DNAAF4: variants seen among roughly 807,000 people sequenced by gnomAD.
DNAAF4 encodes dynein assembly factor 4, axonemal.
A neutral mutation model predicts 51.8 loss-of-function variants in DNAAF4; 43 were observed. The observed-to-expected ratio is 0.83, with a 90% CI of 0.65 to 1.07. The LOEUF is 1.07. Among genes scored for constraint, DNAAF4 ranks in the 50% least tolerant of loss-of-function variants. The pLI is 0.00. For synonymous variants in DNAAF4, 194 were observed against 165.6 expected, an observed-to-expected ratio of 1.17 and a Z score of -1.32; for missense variants, 581 against 493.0, an observed-to-expected ratio of 1.18 and a Z score of -1.69.
intron 4 of DNAAF4, among the ~76,000 whole-genome samples, chr15:55,468,034 T>A (rs2058194794): frequency 1.3e-5 from 2 of 152,304 alleles, no homozygotes; most frequent in Admixed American, 1.3e-4. Context: ...CTATCCAATA[T>A]AGTAGCCACT....
intron 7 of DNAAF4, chr15:55,418,684 T>G: frequency 1.4e-6 from 1 of 733,774 alleles, no homozygotes; most frequent in Non-Finnish European, 2.1e-6. Context: ...ATTTTTAAAA[T>G]AAGTTAAATA....
Position 55,435,181 on chromosome 15 carries a change from C to T in DNAAF4, c.894-123G>A, listed in dbSNP as rs891463818. 5.8e-6 allele frequency: 6 copies of T among 1,029,274 alleles called. No homozygotes were observed. In the South Asian group the frequency reaches 7.1e-5, roughly 12 times the overall value. 63.8% of individuals were successfully genotyped at this position (1,029,274 alleles called of 1,614,324 possible). On this transcript the variant is annotated intron_variant, in intron 7 of 9. Transcript: ENST00000321149. ...CTTTTTGCATTCTCTTTAGGGTAAA[C>T]GTTGCCTGCACTGAATCCATCTCTT...
chr15:55,490,164 C>T (rs908537050), intron 4 of DNAAF4, among the ~76,000 whole-genome samples: 2 of 151,978 alleles, frequency 1.3e-5, no homozygotes, highest in African/African-American at 2.4e-5. Context: ...TGAGCCACTG[C>T]GCTTGGCCTG....
intron 4 of DNAAF4, among the ~76,000 whole-genome samples, chr15:55,472,800 C>T (rs1240854048): frequency 6.6e-6 from 1 of 151,984 alleles, no homozygotes; most frequent in Non-Finnish European, 1.5e-5. Flanking sequence ...GAATGAATGT[C>T]TGGTCAACAA....
intron 4 of DNAAF4, among the ~76,000 whole-genome samples, chr15:55,481,592 G>T (rs560712574): frequency 6.6e-6 from 1 of 152,252 alleles, no homozygotes; most frequent in South Asian, 2.1e-4. Context: ...CCACTAGACA[G>T]AGCAGGGCAA....
chr15:55,465,313 A>AAAATTG (rs1448602844), intron 5 of DNAAF4, among the ~76,000 whole-genome samples: 1 of 152,096 alleles, frequency 6.6e-6, no homozygotes, highest in East Asian at 1.9e-4. Flanking sequence ...TTATAGCAGC[A>AAAATTG]CAATTGCAAT....
intron 8 of DNAAF4, among the ~76,000 whole-genome samples, chr15:55,433,810 A>ATG (rs2057539106): frequency 5.7e-5 from 5 of 87,800 alleles, no homozygotes; most frequent in African/African-American, 2.1e-4. Context: ...TTTTATATAT[A>ATG]TAATATATAT....
chr15:55,477,763 G>A (rs918218519), intron 4 of DNAAF4, among the ~76,000 whole-genome samples: 4 of 151,790 alleles, frequency 2.6e-5, no homozygotes, highest in Non-Finnish European at 1.5e-5. Context: ...CATGTAAAGA[G>A]CTTAGAAGCT....
intron 6 of DNAAF4, among the ~76,000 whole-genome samples, chr15:55,449,198 C>T (rs2057892001): frequency 6.7e-6 from 1 of 150,066 alleles, no homozygotes; most frequent in South Asian, 2.1e-4. Flanking sequence ...CCATGTTGGC[C>T]AGGCTGGTCT....
chr15:55,487,270 T>G (rs192230311), intron 4 of DNAAF4, among the ~76,000 whole-genome samples: 15 of 152,070 alleles, frequency 9.9e-5, no homozygotes, highest in Admixed American at 5.9e-4. Context: ...AATGCACCAA[T>G]CAGTGCTCTG....
At chr15:55,466,319 T>A (rs1316880167) in intron 5 of DNAAF4, among the ~76,000 whole-genome samples, 3 of 151,952 alleles carry the variant, frequency 2.0e-5, no homozygotes, top group Non-Finnish European at 4.4e-5. Flanking sequence ...CCCAGCTACT[T>A]GGGAGGCTAA....
chr15:55,478,713 C>T (rs685935), intron 4 of DNAAF4, among the ~76,000 whole-genome samples: 75,775 of 151,968 alleles, frequency 0.5, 20,440 homozygotes, highest in East Asian at 0.74. Context: ...TTCAAAATTA[C>T]GGAAATGACA....
chr15:55,431,523 G>A (rs1312319260), intron 9 of DNAAF4, among the ~76,000 whole-genome samples: 1 of 143,722 alleles, frequency 7.0e-6, no homozygotes, highest in Non-Finnish European at 1.5e-5. Flanking sequence ...CACCCAGGCT[G>A]TAGCGCAGTG....
At position 55,498,470 on chromosome 15, in the gene DNAAF4, A is replaced by G; in HGVS notation, c.-141T>C. The G allele has an allele frequency of 2.3e-6, 3 of 1,325,104 alleles. No homozygotes were observed. The highest frequency in any genetic ancestry group is 3.0e-6 in the Non-Finnish European group (3 of 996,114). The allele number at this position is 1,325,104 out of a possible 1,614,324, so 82.1% of individuals were successfully genotyped here. ...GGCGTTCCCAGCGTGCTCCGGCGCC[A>G]GCACCTCGCGGACTCCATGCGTGAC... is the stretch of plus-strand genomic sequence containing the variant. On this transcript the variant is annotated 5_prime_UTR_variant, in exon 2 of 10. Transcript: ENST00000321149.
intron 4 of DNAAF4, among the ~76,000 whole-genome samples, chr15:55,490,744 G>A (rs1415354997): frequency 6.6e-6 from 1 of 152,086 alleles, no homozygotes; most frequent in Non-Finnish European, 1.5e-5. Context: ...ACGAGGTCAG[G>A]AGATCGAGAC....
chr15:55,432,240 T>C (rs2057508161), intron 9 of DNAAF4, among the ~76,000 whole-genome samples: 1 of 152,176 alleles, frequency 6.6e-6, no homozygotes, highest in Non-Finnish European at 1.5e-5. Flanking sequence ...CATGAGCATC[T>C]GCACCCAGCT....
chr15:55,476,330 G>T (rs1316029241), intron 4 of DNAAF4, among the ~76,000 whole-genome samples: 1 of 152,072 alleles, frequency 6.6e-6, no homozygotes, highest in East Asian at 1.9e-4. Flanking sequence ...GCATGTGCGT[G>T]TAGTCCCAGC....
exon 8 of DNAAF4, chr15:55,418,121 G>C: frequency 6.3e-7 from 1 of 1,583,204 alleles, no homozygotes; most frequent in Non-Finnish European, 8.5e-7. Context: ...ATGCCCTCAA[G>C]AGAACAGAAT....
At chr15:55,446,989 G>GAT in intron 6 of DNAAF4, among the ~76,000 whole-genome samples, 2 of 144,344 alleles carry the variant, frequency 1.4e-5, no homozygotes, top group Admixed American at 6.9e-5. Flanking sequence ...CTTCCCAGAC[G>GAT]GGGCAGCTGG....
Sources: allele counts gnomAD v4.1 joint callset (sites outside exome capture counted in the v4.1 genomes callset), GRCh38; gene constraint gnomAD v4.1.1; transcripts MANE v1.5; gene names NCBI Gene and HGNC (gene_info 2026-07-23, HGNC 2026-07-21).